Variants in TAF13 observed in about 807,000 individuals in gnomAD.
TAF13 encodes the protein TATA-box binding protein associated factor 13.
In TAF13, 9 loss-of-function variants were observed where a neutral mutation model predicts 18.7. That is an observed-to-expected ratio of 0.48 (90% CI 0.29 to 0.84). TAF13 has a LOEUF of 0.84. Among genes scored for constraint, TAF13 ranks in the 40% least tolerant of loss-of-function variants. TAF13 has a pLI of 0.08. For synonymous variants in TAF13, 49 were observed against 44.1 expected (o/e 1.11, Z -0.44); for missense variants, 105 against 146.5 (o/e 0.72, Z 1.46).
At chr1:109,073,266 G>A (rs980689453) in intron 2 of TAF13, among the ~76,000 whole-genome samples, 1 of 151,822 alleles carries the variant, frequency 6.6e-6, no homozygotes, top group African/African-American at 2.4e-5. Context: ...TAGGCCGGGT[G>A]CAGTGGCTCA....
chr1:109,073,942 ACC>A (rs1174344763), intron 2 of TAF13, among the ~76,000 whole-genome samples: 2 of 144,062 alleles, frequency 1.4e-5, no homozygotes, highest in Admixed American at 1.4e-4. Flanking sequence ...CCCGGCCGCC[ACC>A]CCGTCTGGGA....
chr1:109,074,026 TC>T (rs1197622137), intron 2 of TAF13, among the ~76,000 whole-genome samples: 3 of 152,102 alleles, frequency 2.0e-5, no homozygotes, highest in African/African-American at 7.2e-5. Flanking sequence ...GCCGCCCGCA[TC>T]TGGGAAGTAA....
intron 3 of TAF13, among the ~76,000 whole-genome samples, chr1:109,065,155 CATT>C (rs1270359990): frequency 6.6e-6 from 1 of 152,148 alleles, no homozygotes; most frequent in Non-Finnish European, 1.5e-5. Flanking sequence ...CCTATCACAG[CATT>C]ATTTCTAATG....
intron 2 of TAF13, among the ~76,000 whole-genome samples, chr1:109,071,779 C>T (rs868273574): frequency 1.3e-5 from 2 of 151,382 alleles, no homozygotes; most frequent in African/African-American, 4.9e-5. Context: ...TGATGAAACC[C>T]TGTCTCTACT....
Position 109,067,646 on chromosome 1 carries a change from A to G in TAF13, c.107-1414T>C, listed in dbSNP as rs116006371. On this transcript the variant is annotated intron_variant, in intron 2 of 3. Coordinates refer to ENST00000338366, the MANE Select transcript of TAF13 (RefSeq NM_005645.4). Reference sequence around the variant, plus strand: ...TAATAATAAGAGAGACTGTGTCTCAAAAATAATAAGAGAGAAGTCTAATAC... The same window carrying G: ...TAATAATAAGAGAGACTGTGTCTCAGAAATAATAAGAGAGAAGTCTAATAC... 8.8e-3 allele frequency among the ~76,000 whole-genome samples: 1,345 copies of G among 152,250 alleles called. 22 individuals are homozygous for G. Among genetic ancestry groups the G allele is most frequent in the African/African-American group, 0.031 (1,288 of 41,540 alleles).
chr1:109,071,200 G>A (rs1053794948), intron 2 of TAF13, among the ~76,000 whole-genome samples: 7 of 152,116 alleles, frequency 4.6e-5, no homozygotes, highest in African/African-American at 1.7e-4. Context: ...CAGCACTTTG[G>A]GAGGCCGAGT....
chr1:109,075,805 C>T, intron 1 of TAF13, 116 bp downstream of exon 1: 2 of 1,400,838 alleles, frequency 1.4e-6, no homozygotes, highest in South Asian at 1.2e-5. Flanking sequence ...GTGAAGTCCC[C>T]GAACTCTGTC....
chr1:109,064,541 T>C lies in TAF13; in HGVS notation c.357A>G (p.Glu119=), dbSNP rs377060029. The C allele has an allele frequency of 5.3e-6, 8 of 1,510,924 alleles. No individual in the cohort carries two copies. The African/African-American group carries it at 1.1e-4, about 21-fold the overall frequency. 93.6% of individuals were successfully genotyped at this position (1,510,924 alleles called of 1,614,324 possible). The change falls in exon 4 of 4, where the codon GAA becomes GAG. Residue 119 remains glutamate, a synonymous_variant. Transcript: ENST00000338366. ...AAAAGTGTCAAGATCCATAATTTGC[T>C]TCATCAAATGCTTTTCTAGCTCGTT... ...ELKRARKAFD[E]ANYGS
chr1:109,064,344 G>A lies in TAF13; in HGVS notation c.*179C>T. The A allele has an allele frequency of 2.3e-6, 1 of 443,102 alleles. No individual in the cohort carries two copies. The highest frequency in any genetic ancestry group is 3.7e-6 in the Non-Finnish European group (1 of 267,004). The allele number at this position is 443,102 out of a possible 1,614,324, so 27.4% of individuals were successfully genotyped here. ...GTAATTCAAGTATGGTAATATAAAG[G>A]CAGGCAATTACATGCACCAATATCA... is the stretch of plus-strand genomic sequence containing the variant. On this transcript the variant is annotated 3_prime_UTR_variant, in exon 4 of 4. Transcript: ENST00000338366.
At chr1:109,069,487 GCA>G (rs956547611) in intron 2 of TAF13, among the ~76,000 whole-genome samples, 1 of 152,046 alleles carries the variant, frequency 6.6e-6, no homozygotes, top group African/African-American at 2.4e-5. Flanking sequence ...TTCAATAGAG[GCA>G]CAGTTTTTTT....
At chr1:109,075,590 A>G (rs569721527) in intron 1 of TAF13, among the ~76,000 whole-genome samples, 1 of 152,252 alleles carries the variant, frequency 6.6e-6, no homozygotes, top group African/African-American at 2.4e-5. Flanking sequence ...TTCTTTTCCC[A>G]TTACTTCACA....
chr1:109,064,723 T>C (rs1247354859), intron 3 of TAF13, 30 bp from the exon 4 acceptor site: 8 of 1,398,544 alleles, frequency 5.7e-6, no homozygotes, highest in African/African-American at 1.5e-5. Context: ...TACATTTAAC[T>C]TTTTTAAATC....
Position 109,064,379 on chromosome 1 carries a change from C to G in TAF13, c.*144G>C. 1 of 690,486 alleles carries G rather than the reference C, an allele frequency of 1.4e-6. No individual in the cohort carries two copies. The highest frequency in any genetic ancestry group is 1.9e-5 in the African/African-American group (1 of 53,500). The allele number at this position is 690,486 out of a possible 1,614,324, so 42.8% of individuals were successfully genotyped here. ...ACATGCACCAATATCACCCTAAAATCAAAGGCATAAAAATAAAGGCTGAAA... is the reference window on the plus strand; with the variant it reads ...ACATGCACCAATATCACCCTAAAATGAAAGGCATAAAAATAAAGGCTGAAA... On this transcript the variant is annotated 3_prime_UTR_variant, in exon 4 of 4. Coordinates refer to ENST00000338366, the MANE Select transcript of TAF13 (RefSeq NM_005645.4).
At chr1:109,067,370 A>T (rs28468550) in intron 2 of TAF13, among the ~76,000 whole-genome samples, 5 of 151,766 alleles carry the variant, frequency 3.3e-5, no homozygotes, top group Admixed American at 3.3e-4. Flanking sequence ...CAGGAGGCTG[A>T]GGCAGATCAC....
At chr1:109,066,627 G>A (rs1294561340) in intron 2 of TAF13, among the ~76,000 whole-genome samples, 1 of 152,184 alleles carries the variant, frequency 6.6e-6, no homozygotes, top group African/African-American at 2.4e-5. Flanking sequence ...CATGGCAGTG[G>A]GGCGTTGGAA....
chr1:109,071,958 ATATATATATATATATATACACAC>A (rs1664064452), intron 2 of TAF13, among the ~76,000 whole-genome samples: 1 of 4,804 alleles, frequency 2.1e-4, no homozygotes, highest in Non-Finnish European at 3.7e-4. Flanking sequence ...CAAAAAGAAA[ATATATATATATATATATACACAC>A]ATATATATAT....
intron 2 of TAF13, among the ~76,000 whole-genome samples, chr1:109,071,939 ACT>A (rs1664061569): frequency 1.4e-5 from 2 of 143,738 alleles, no homozygotes; most frequent in African/African-American, 5.2e-5. Context: ...CAACAGTGAG[ACT>A]CTGTCTCAAA....
At chr1:109,074,207 G>C (rs185111048) in intron 2 of TAF13, among the ~76,000 whole-genome samples, 230 of 152,338 alleles carry the variant, frequency 1.5e-3, no homozygotes, top group African/African-American at 5.4e-3. Flanking sequence ...GTAGACATAG[G>C]AGACTCCATT....
rs1272111550 is a variant in TAF13, at chr1:109,066,163, T to C, written c.176A>G (p.Asp59Gly). 1 of 1,612,830 alleles carries C rather than the reference T, an allele frequency of 6.2e-7. No homozygotes were observed. Among genetic ancestry groups the C allele is most frequent in the African/African-American group, 1.3e-5 (1 of 74,862 alleles). Residue 59 changes from aspartate to glycine, a missense_variant, in exon 3 of 4, where the codon GAT (aspartate) becomes GGT (glycine). Coordinates refer to ENST00000338366, the MANE Select transcript of TAF13 (RefSeq NM_005645.4). ...TTCAGTGATAAACTCTATGACAAGA[T>C]CTTCAAGAATATCCACTGACTCAGT... ...PYTESVDILE[D>G]LVIEFITEMT...
Sources: gnomAD v4.1 joint callset for allele counts (sites outside exome capture counted in the v4.1 genomes callset) on GRCh38, gnomAD v4.1.1 for gene constraint, MANE v1.5 for transcripts, NCBI Gene and HGNC (gene_info 2026-07-23, HGNC 2026-07-21) for gene names.